The following SH3D19 variants were observed in gnomAD, a reference collection of about 807,000 sequenced individuals.
The protein encoded by SH3D19 is SH3 domain-containing protein 19.
SH3D19 carries 58 observed loss-of-function variants against 112.1 expected under a neutral mutation model. That is an observed-to-expected ratio of 0.52 (90% confidence interval 0.42 to 0.64). The LOEUF is 0.64. Ranked by LOEUF, SH3D19 falls within the 30% of genes least tolerant of loss-of-function variation. The probability of loss-of-function intolerance (pLI) is 0.00; values close to 1 mark genes in which losing one functional copy is unlikely to be tolerated. For synonymous variants in SH3D19, 391 were observed against 448.5 expected, an observed-to-expected ratio of 0.87 and a Z score of 1.62; for missense variants, 1,090 against 1,263.4, an observed-to-expected ratio of 0.86 and a Z score of 2.08.
intron 8 of SH3D19, 105 bp downstream of exon 8, chr4:151,165,484 T>C (rs1757850435): frequency 1.5e-5 from 13 of 868,432 alleles, no homozygotes; most frequent in South Asian, 1.9e-5. Flanking sequence ...GCTTTGACTA[T>C]GAATGGCAGA....
intron 1 of SH3D19, chr4:151,282,172 T>G: frequency 6.2e-7 from 1 of 1,613,916 alleles, no homozygotes; most frequent in Non-Finnish European, 8.5e-7. Context: ...TTTCATATAC[T>G]GTGTGGCTAG....
chr4:151,271,324 C>T (rs1773211199), intron 1 of SH3D19, among the ~76,000 whole-genome samples: 3 of 152,308 alleles, frequency 2.0e-5, no homozygotes, highest in South Asian at 2.1e-4. Flanking sequence ...ACAATGGTGT[C>T]CATTTGCCCT....
chr4:151,197,286 G>A (rs1436620047), intron 2 of SH3D19, among the ~76,000 whole-genome samples: 2 of 152,192 alleles, frequency 1.3e-5, no homozygotes, highest in African/African-American at 4.8e-5. Flanking sequence ...GCACCTTAGG[G>A]TAAAATAAGT....
intron 4 of SH3D19, among the ~76,000 whole-genome samples, chr4:151,178,797 A>T (rs1356940542): frequency 1.3e-5 from 2 of 152,212 alleles, no homozygotes. Context: ...AATGTAAAAA[A>T]AAAATCTATC....
At chr4:151,173,904 G>A (rs1759486911) in intron 7 of SH3D19, among the ~76,000 whole-genome samples, 1 of 152,196 alleles carries the variant, frequency 6.6e-6, no homozygotes, top group Admixed American at 6.5e-5. Context: ...ATGACAAGTA[G>A]AGCAGCTTAG....
intron 1 of SH3D19, among the ~76,000 whole-genome samples, chr4:151,240,955 A>G (rs1770501490): frequency 1.3e-5 from 2 of 152,066 alleles, no homozygotes; most frequent in South Asian, 4.1e-4. Flanking sequence ...TAGCAAGAAA[A>G]AGGAACGAAG....
chr4:151,216,209 T>C (rs529293997), intron 2 of SH3D19, among the ~76,000 whole-genome samples: 7 of 152,236 alleles, frequency 4.6e-5, no homozygotes, highest in South Asian at 2.1e-4. Context: ...ATTGAGCTAA[T>C]GAATGACTGT....
At chr4:151,222,482 C>A (rs1021036756) in intron 2 of SH3D19, among the ~76,000 whole-genome samples, 5 of 152,070 alleles carry the variant, frequency 3.3e-5, no homozygotes, top group African/African-American at 1.2e-4. Flanking sequence ...CATTCTCCTG[C>A]ATAATAACAT....
chr4:151,276,616 A>T (rs1285707529), intron 1 of SH3D19, among the ~76,000 whole-genome samples: 1 of 152,116 alleles, frequency 6.6e-6, no homozygotes, highest in Non-Finnish European at 1.5e-5. Flanking sequence ...CCCTCTAACC[A>T]ATCCTACTAC....
intron 17 of SH3D19, among the ~76,000 whole-genome samples, chr4:151,131,298 CTT>C (rs33996089): frequency 2.0e-5 from 3 of 151,014 alleles, no homozygotes; most frequent in Admixed American, 6.6e-5. Context: ...TACTTTCTCT[CTT>C]TTTTTTTTAA....
intron 2 of SH3D19, among the ~76,000 whole-genome samples, chr4:151,190,820 C>T (rs912643161): frequency 6.6e-6 from 1 of 152,208 alleles, no homozygotes; most frequent in African/African-American, 2.4e-5. Flanking sequence ...CCTACTGGGG[C>T]ATCGCCTAGT....
At chr4:151,145,584 G>A (rs77490361) in intron 11 of SH3D19, among the ~76,000 whole-genome samples, 9,218 of 152,124 alleles carry the variant, frequency 0.061, 374 homozygotes, top group Non-Finnish European at 0.09. Flanking sequence ...TTTTTGGAAT[G>A]AGCCCGCCTG....
At chr4:151,223,896 G>T (rs995692889) in intron 2 of SH3D19, among the ~76,000 whole-genome samples, 41 of 152,256 alleles carry the variant, frequency 2.7e-4, no homozygotes, top group African/African-American at 9.1e-4. Flanking sequence ...ATCTGGGGTT[G>T]GGCATGGGAT....
intron 1 of SH3D19, chr4:151,282,257 C>T (rs954323838): frequency 7.4e-6 from 12 of 1,613,832 alleles, no homozygotes; most frequent in Middle Eastern, 1.6e-4. Context: ...TCCCAAGTAC[C>T]AAGATACAAC....
At chr4:151,217,969 C>CAT (rs995270218) in intron 2 of SH3D19, among the ~76,000 whole-genome samples, 6 of 152,112 alleles carry the variant, frequency 3.9e-5, no homozygotes, top group African/African-American at 1.4e-4. Flanking sequence ...CATACACACA[C>CAT]ATATATATAT....
intron 2 of SH3D19, among the ~76,000 whole-genome samples, chr4:151,188,691 T>C (rs1425458782): frequency 1.3e-5 from 2 of 152,236 alleles, no homozygotes; most frequent in African/African-American, 2.4e-5. Flanking sequence ...GATGATATTA[T>C]GAATTTAAAA....
chr4:151,196,074 G>GA (rs1376541576), intron 2 of SH3D19, among the ~76,000 whole-genome samples: 4 of 152,176 alleles, frequency 2.6e-5, no homozygotes, highest in Non-Finnish European at 4.4e-5. Context: ...ACAGACATGA[G>GA]ACTGGCAGGG....
chr4:151,256,299 T>G (rs1401292872), intron 1 of SH3D19, among the ~76,000 whole-genome samples: 4 of 152,210 alleles, frequency 2.6e-5, no homozygotes, highest in Admixed American at 6.5e-5. Context: ...ACAAGTCAGA[T>G]TCCTGTTTAT....
chr4:151,226,439 G>C, intron 1 of SH3D19: 2 of 1,000,822 alleles, frequency 2.0e-6, no homozygotes, highest in South Asian at 9.3e-5. Flanking sequence ...AGATTACTCA[G>C]CTCAAAAAAA....
Sources: gnomAD v4.1 joint callset for allele counts (sites outside exome capture counted in the v4.1 genomes callset) on GRCh38, gnomAD v4.1.1 for gene constraint, MANE v1.5 for transcripts, NCBI Gene and HGNC (gene_info 2026-07-23, HGNC 2026-07-21) for gene names.